The following CAMTA1 variants were observed in gnomAD, a reference collection of about 807,000 sequenced individuals.
CAMTA1 encodes calmodulin-binding transcription activator 1.
In CAMTA1, 27 loss-of-function variants were observed where a neutral mutation model predicts 170.9. The observed-to-expected ratio is 0.16, with a 90% CI of 0.12 to 0.22. The LOEUF is 0.22. CAMTA1 is among the 10% of genes least tolerant of loss of function. The probability of loss-of-function intolerance (pLI) is 1.00; values close to 1 mark genes in which losing one functional copy is unlikely to be tolerated. For synonymous variants in CAMTA1, 833 were observed against 891.5 expected (o/e 0.93, Z 1.17); for missense variants, 1,619 against 2,217.2 (o/e 0.73, Z 5.42).
intron 5 of CAMTA1, among the ~76,000 whole-genome samples, chr1:7,434,712 G>A (rs1352599241): frequency 6.6e-6 from 1 of 152,030 alleles, no homozygotes; most frequent in Non-Finnish European, 1.5e-5. Context: ...TACCTAGTGA[G>A]GGCCTTCTTG....
Position 7,663,388 on chromosome 1 carries a change from G to T in CAMTA1, c.841G>T (p.Ala281Ser). 6.5e-7 allele frequency: 1 copy of T among 1,537,992 alleles called. No homozygotes were observed. The highest frequency in any genetic ancestry group is 8.8e-7 in the Non-Finnish European group (1 of 1,139,360). ...GGSVHHKCNS[A>S]KHRIISPKVE... ...CAGCGTGCATCACAAGTGTAACAGC[G>T]CCAAACACCGCATCATCTCGCCCAA... Residue 281 changes from alanine (A) to serine (S), a missense_variant, in exon 9 of 23, where the codon GCC (alanine) becomes TCC (serine). By Grantham distance (99) the Ala-to-Ser change is moderately conservative (BLOSUM62 1). Around this residue, in one of 8 missense-constraint regions of CAMTA1, gnomAD observed 731 missense variants for 907.6 expected, o/e 0.81. Coordinates refer to ENST00000303635, the MANE Select transcript of CAMTA1 (RefSeq NM_015215.4).
intron 3 of CAMTA1, among the ~76,000 whole-genome samples, chr1:7,077,813 G>A (rs1639501610): frequency 6.6e-6 from 1 of 152,112 alleles, no homozygotes. Context: ...CACTTCTGCT[G>A]TGTTCCTGTA....
chr1:7,617,079 C>CG (rs1391964808), intron 6 of CAMTA1, among the ~76,000 whole-genome samples: 3 of 152,228 alleles, frequency 2.0e-5, no homozygotes, highest in South Asian at 4.2e-4. Context: ...GCCCTTCCCG[C>CG]GGGGGAAATG....
intron 6 of CAMTA1, among the ~76,000 whole-genome samples, chr1:7,629,433 T>C (rs2095654179): frequency 6.6e-6 from 1 of 152,238 alleles, no homozygotes; most frequent in African/African-American, 2.4e-5. Context: ...AAGCTCTTTA[T>C]ATTTTTCAGC....
At chr1:7,645,697 G>T (rs1055192772) in intron 7 of CAMTA1, among the ~76,000 whole-genome samples, 1 of 152,254 alleles carries the variant, frequency 6.6e-6, no homozygotes, top group Admixed American at 6.5e-5. Context: ...CCAGAGCTCC[G>T]CTGGCATCAG....
intron 4 of CAMTA1, among the ~76,000 whole-genome samples, chr1:7,132,559 T>A (rs1645324570): frequency 1.3e-5 from 2 of 152,206 alleles, no homozygotes; most frequent in Non-Finnish European, 2.9e-5. Flanking sequence ...AGAGGTTCTC[T>A]GTGAGGCCAG....
At chr1:7,303,761 G>A (rs115383106) in intron 5 of CAMTA1, among the ~76,000 whole-genome samples, 4 of 152,210 alleles carry the variant, frequency 2.6e-5, no homozygotes, top group African/African-American at 9.6e-5. Context: ...GGCATGGGAC[G>A]TGGCTGCAAC....
At chr1:6,890,051 T>C (rs1453326380) in intron 3 of CAMTA1, among the ~76,000 whole-genome samples, 1 of 152,194 alleles carries the variant, frequency 6.6e-6, no homozygotes, top group African/African-American at 2.4e-5. Context: ...AAAGAGCAGT[T>C]CCATGAGTTA....
At chr1:7,551,711 T>C (rs927784271) in intron 6 of CAMTA1, among the ~76,000 whole-genome samples, 1 of 152,198 alleles carries the variant, frequency 6.6e-6, no homozygotes, top group Non-Finnish European at 1.5e-5. Context: ...AGCCTGTCCC[T>C]GGTGTCCAGT....
rs576367944 is a variant in CAMTA1 at position 7,447,869 on chromosome 1, T to C, written c.439-19961T>C. The stretch of plus-strand genomic sequence containing the variant: ...AAGGTAGAAGCTCTTCACTGCTTTT[T>C]ATAGTGCAGGCACCTGGGTGCAGAG... On this transcript the variant is annotated intron_variant, in intron 5 of 22. Coordinates refer to ENST00000303635, the MANE Select transcript of CAMTA1 (RefSeq NM_015215.4). Among the ~76,000 whole-genome samples the C allele has an allele frequency of 3.9e-5, 6 of 152,350 alleles. No individual in the cohort carries two copies. The South Asian group carries it at 1.0e-3, about 26-fold the overall frequency.
chr1:7,294,268 C>T (rs544968549), intron 5 of CAMTA1, among the ~76,000 whole-genome samples: 10 of 152,304 alleles, frequency 6.6e-5, no homozygotes, highest in African/African-American at 2.4e-4. Flanking sequence ...CTGTTTAACA[C>T]TGGCTGAGTG....
At chr1:7,433,743 A>G (rs138196390) in intron 5 of CAMTA1, among the ~76,000 whole-genome samples, 1 of 152,322 alleles carries the variant, frequency 6.6e-6, no homozygotes, top group African/African-American at 2.4e-5. Context: ...GTGGTTAAGA[A>G]GGAGTTGGGC....
intron 3 of CAMTA1, among the ~76,000 whole-genome samples, chr1:6,895,622 C>G (rs994472617): frequency 5.9e-4 from 90 of 152,254 alleles, no homozygotes; most frequent in Non-Finnish European, 1.9e-4. Flanking sequence ...GGTGCCTCTT[C>G]CCTCTAAGCA....
intron 3 of CAMTA1, among the ~76,000 whole-genome samples, chr1:6,941,128 A>G (rs1310794700): frequency 6.6e-6 from 1 of 152,082 alleles, no homozygotes; most frequent in Admixed American, 6.5e-5. Flanking sequence ...GCCGACTTCC[A>G]GTCCCTGGTG....
chr1:7,371,863 G>C (rs907137386), intron 5 of CAMTA1, among the ~76,000 whole-genome samples: 1 of 152,186 alleles, frequency 6.6e-6, no homozygotes, highest in African/African-American at 2.4e-5. Context: ...TGGTTACCAT[G>C]ACTAGGAAGT....
Position 7,629,430 on chromosome 1 carries a change from T to G in CAMTA1, c.511-10970T>G, listed in dbSNP as rs543629248. 6.6e-5 allele frequency among the ~76,000 whole-genome samples: 10 copies of G among 152,344 alleles called. No homozygotes were observed. In the East Asian group the frequency reaches 1.9e-3, roughly 29 times the overall value. On this transcript the variant is annotated intron_variant, in intron 6 of 22. Coordinates refer to ENST00000303635, the MANE Select transcript of CAMTA1 (RefSeq NM_015215.4). ...TGTCACCCATTTTAGAAAAAGCTCT[T>G]TATATTTTTCAGCCCATGTCGCCTT...
At chr1:6,899,177 G>A (rs932249326) in intron 3 of CAMTA1, among the ~76,000 whole-genome samples, 1 of 152,200 alleles carries the variant, frequency 6.6e-6, no homozygotes, top group South Asian at 2.1e-4. Flanking sequence ...CATCACTGCT[G>A]TGTGATGGCT....
chr1:7,515,687 C>T (rs2149922048), intron 6 of CAMTA1, among the ~76,000 whole-genome samples: 1 of 152,308 alleles, frequency 6.6e-6, no homozygotes, highest in South Asian at 2.1e-4. Context: ...CCAGGCTCCA[C>T]CAGGCTCCCA....
At chr1:6,982,100 A>G (rs1029960389) in intron 3 of CAMTA1, among the ~76,000 whole-genome samples, 2 of 152,208 alleles carry the variant, frequency 1.3e-5, no homozygotes, top group Non-Finnish European at 2.9e-5. Flanking sequence ...AAACATTTGG[A>G]TGGCTGCACA....
Sources: gnomAD v4.1 joint callset for allele counts (sites outside exome capture counted in the v4.1 genomes callset) on GRCh38, gnomAD v4.1.1 for gene constraint, gnomAD v4.1.1 regional missense constraint, MANE v1.5 for transcripts, NCBI Gene and HGNC (gene_info 2026-07-23, HGNC 2026-07-21) for gene names.